Variants in RAB3IL1 observed in about 807,000 individuals in gnomAD.
The protein encoded by RAB3IL1 is guanine nucleotide exchange factor for Rab-3A.
In RAB3IL1, 37 loss-of-function variants were observed where a neutral mutation model predicts 49.2. The observed-to-expected ratio is 0.75, with a 90% CI of 0.58 to 0.99. The LOEUF (loss-of-function observed/expected upper bound fraction) is 0.99, where lower values mean the gene tolerates loss of function less well. RAB3IL1 is among the 50% of genes least tolerant of loss of function. The pLI, the probability that RAB3IL1 is intolerant of heterozygous loss-of-function variation, is 0.00. For synonymous variants in RAB3IL1, 193 were observed against 213.9 expected, an observed-to-expected ratio of 0.90 and a Z score of 0.85; for missense variants, 484 against 513.0, an observed-to-expected ratio of 0.94 and a Z score of 0.55.
intron 8 of RAB3IL1, among the ~76,000 whole-genome samples, chr11:61,901,415 G>A (rs764747200): frequency 1.3e-5 from 2 of 152,194 alleles, no homozygotes; most frequent in Non-Finnish European, 2.9e-5. Flanking sequence ...CTTAAGGCTG[G>A]TGCACCAGAC....
At position 61,917,493 on chromosome 11, in the gene RAB3IL1, G is replaced by C. The variant is rs1217525478; in HGVS notation, c.-126C>G. 9 of 1,144,634 alleles carry C rather than the reference G, an allele frequency of 7.9e-6. No homozygotes were observed. Among genetic ancestry groups the C allele is most frequent in the Middle Eastern group, 3.6e-4 (1 of 2,778 alleles). 70.9% of individuals were successfully genotyped at this position (1,144,634 alleles called of 1,614,324 possible). A position where few individuals can be genotyped will look rare whatever the true frequency, so the allele number is the denominator to read the frequency against. On this transcript the variant is annotated 5_prime_UTR_variant, in exon 1 of 10. Transcript: ENST00000394836. The stretch of plus-strand genomic sequence containing the variant: ...CCCACCGCCTGTCAGCCCTGCCCGC[G>C]GCCGGTCAGTAGGTCTCAGACGCCT...
chr11:61,944,581 C>A, the RAB3IL1 span, among the ~76,000 whole-genome samples: 1 of 152,090 alleles, frequency 6.6e-6, no homozygotes, highest in African/African-American at 2.4e-5. Context: ...GAAAAAAGGA[C>A]GATGCTCCCG....
chr11:61,942,743 T>C, the RAB3IL1 span, among the ~76,000 whole-genome samples: 1 of 152,170 alleles, frequency 6.6e-6, no homozygotes, highest in Non-Finnish European at 1.5e-5. Context: ...AAGAAAATAA[T>C]GCCATTTACA....
At chr11:61,907,938 G>A (rs1342704670) in intron 2 of RAB3IL1, 116 bp downstream of exon 2, 3 of 1,451,916 alleles carry the variant, frequency 2.1e-6, no homozygotes, top group Middle Eastern at 1.8e-4. Flanking sequence ...AGCTGGCCTC[G>A]GTGAGGGCAC....
the RAB3IL1 span, among the ~76,000 whole-genome samples, chr11:61,934,308 C>G: frequency 2.0e-3 from 191 of 94,344 alleles, no homozygotes; most frequent in African/African-American, 8.5e-3. Flanking sequence ...TGTGCCTGGC[C>G]TGAGTAAATA....
upstream of RAB3IL1, among the ~76,000 whole-genome samples, chr11:61,923,755 T>C (rs1166435964): frequency 1.3e-5 from 2 of 152,224 alleles, no homozygotes; most frequent in African/African-American, 2.4e-5. Context: ...CTCCGCCAGC[T>C]GTGCAGGGTG....
chr11:61,910,668 G>T (rs1939418169), intron 1 of RAB3IL1, among the ~76,000 whole-genome samples: 1 of 152,214 alleles, frequency 6.6e-6, no homozygotes, highest in African/African-American at 2.4e-5. Flanking sequence ...TGGGCTCTGG[G>T]TCCCACAGCT....
At chr11:61,942,650 G>T in the RAB3IL1 span, among the ~76,000 whole-genome samples, 1 of 151,942 alleles carries the variant, frequency 6.6e-6, no homozygotes, top group Non-Finnish European at 1.5e-5. Context: ...AATAAATTCA[G>T]CAAAGTTACA....
At chr11:61,928,062 C>A in the RAB3IL1 span, among the ~76,000 whole-genome samples, 4 of 150,766 alleles carry the variant, frequency 2.7e-5, no homozygotes, top group South Asian at 8.4e-4. Flanking sequence ...ATTCACATAT[C>A]AAAAAGATGG....
At chr11:61,941,706 C>G in the RAB3IL1 span, among the ~76,000 whole-genome samples, 1 of 151,880 alleles carries the variant, frequency 6.6e-6, no homozygotes, top group Non-Finnish European at 1.5e-5. Flanking sequence ...GAGCCCAGAT[C>G]GCACCACTGC....
chr11:61,907,347 AG>A (rs763282999), intron 4 of RAB3IL1, 45 bp downstream of exon 4: 86 of 1,594,624 alleles, frequency 5.4e-5, no homozygotes, highest in Middle Eastern at 2.1e-4. Flanking sequence ...GCCGGGAGGC[AG>A]GGGGGGTGCC....
At chr11:61,910,687 A>T (rs896148059) in intron 1 of RAB3IL1, among the ~76,000 whole-genome samples, 1 of 152,236 alleles carries the variant, frequency 6.6e-6, no homozygotes, top group Non-Finnish European at 1.5e-5. Flanking sequence ...CTTAAACTGG[A>T]GGCCTGTGGA....
chr11:61,917,268 G>C (rs34131012), intron 1 of RAB3IL1, 89 bp downstream of exon 1: 1 of 1,335,284 alleles, frequency 7.5e-7, no homozygotes, highest in East Asian at 3.1e-5. Flanking sequence ...TGGCGGCGCA[G>C]ACCCGGCGGG....
the RAB3IL1 span, among the ~76,000 whole-genome samples, chr11:61,933,781 C>G: frequency 1.3e-5 from 2 of 151,930 alleles, no homozygotes; most frequent in Non-Finnish European, 2.9e-5. Flanking sequence ...CCTGTCTCTA[C>G]TAAAAATGCA....
At chr11:61,913,971 C>T (rs1005558174) in intron 1 of RAB3IL1, among the ~76,000 whole-genome samples, 2 of 152,180 alleles carry the variant, frequency 1.3e-5, no homozygotes, top group Non-Finnish European at 2.9e-5. Context: ...AGATCTCCAC[C>T]TGTTGAGGGG....
In RAB3IL1 at chr11:61,908,155, C is replaced by A; in HGVS notation, c.163G>T (p.Ala55Ser). 6.4e-7 allele frequency: 1 copy of A among 1,569,240 alleles called. No individual in the cohort carries two copies. The change falls in exon 2 of 10, where the codon GCA becomes TCA. Residue 55 changes from alanine to serine, a missense_variant. Ala to Ser is a moderately conservative substitution (Grantham distance 99, BLOSUM62 1). Coordinates refer to ENST00000394836, the MANE Select transcript of RAB3IL1 (RefSeq NM_013401.4). Reference sequence around the variant, plus strand: ...CGCAACACGTCCAGCTGGGCGGCTGCGGGGCCCTCCTGGCCTTGGGCCTCC... The same window carrying A: ...CGCAACACGTCCAGCTGGGCGGCTGAGGGGCCCTCCTGGCCTTGGGCCTCC... ...GEEAQGQEGP[A>S]AAQLDVLRLR...
At chr11:61,928,220 A>G in the RAB3IL1 span, among the ~76,000 whole-genome samples, 6 of 152,044 alleles carry the variant, frequency 3.9e-5, no homozygotes, top group African/African-American at 1.4e-4. Flanking sequence ...TGTGTTGTCT[A>G]TCAAGCTCTA....
upstream of RAB3IL1, among the ~76,000 whole-genome samples, chr11:61,924,900 A>G (rs1311690559): frequency 6.6e-6 from 1 of 152,206 alleles, no homozygotes; most frequent in Non-Finnish European, 1.5e-5. Flanking sequence ...CCTCAGAAGG[A>G]AAGCTCAGCC....
At chr11:61,935,162 C>T in the RAB3IL1 span, among the ~76,000 whole-genome samples, 4 of 152,126 alleles carry the variant, frequency 2.6e-5, no homozygotes, top group Admixed American at 2.0e-4. Flanking sequence ...GGTGTGTTGG[C>T]TCACGCCTGT....
Sources: gnomAD v4.1 joint callset for allele counts (sites outside exome capture counted in the v4.1 genomes callset) on GRCh38, gnomAD v4.1.1 for gene constraint, MANE v1.5 for transcripts, NCBI Gene and HGNC (gene_info 2026-07-23, HGNC 2026-07-21) for gene names.